The following DMD variants were observed in gnomAD, a reference collection of about 807,000 sequenced individuals.
The protein encoded by DMD is mutant dystrophin.
In DMD, 63 loss-of-function variants were observed where a neutral mutation model predicts 330.1. That is an observed-to-expected ratio of 0.19 (90% confidence interval 0.16 to 0.24). The LOEUF (loss-of-function observed/expected upper bound fraction) is 0.24, where lower values mean the gene tolerates loss of function less well. Among genes scored for constraint, DMD ranks in the 10% least tolerant of loss-of-function variants. The probability of loss-of-function intolerance (pLI) is 1.00; values close to 1 mark genes in which losing one functional copy is unlikely to be tolerated. For missense variants in DMD, 3,344 were observed against 2,684.1 expected, an observed-to-expected ratio of 1.25 and a Z score of -5.43; for synonymous variants, 1,223 against 959.8, an observed-to-expected ratio of 1.27 and a Z score of -5.07.
chrX:32,299,448 A>C (rs1233766350), intron 42 of DMD, among the ~76,000 whole-genome samples: 1 of 100,529 alleles, frequency 9.9e-6, no homozygotes, highest in Non-Finnish European at 2.1e-5. Flanking sequence ...TGAAAGGATA[A>C]TCAAAGTGAA....
chrX:32,871,990 C>T (rs996204141), intron 2 of DMD, among the ~76,000 whole-genome samples: 1 of 110,517 alleles, frequency 9.0e-6, no homozygotes, highest in Non-Finnish European at 1.9e-5. Context: ...GCACTCCAGG[C>T]ATGATTAAAT....
At chrX:31,656,988 G>A (rs1484082759) in intron 54 of DMD, among the ~76,000 whole-genome samples, 1 of 111,534 alleles carries the variant, frequency 9.0e-6, no homozygotes, top group African/African-American at 3.3e-5. Context: ...TCAAAATTTA[G>A]TTGGCCGCTT....
intron 45 of DMD, among the ~76,000 whole-genome samples, chrX:31,961,719 A>G (rs1384517049): frequency 2.0e-5 from 2 of 101,200 alleles, no homozygotes; most frequent in African/African-American, 7.8e-5. Context: ...AAGGGGAAAG[A>G]GAATTCAACC....
intron 41 of DMD, among the ~76,000 whole-genome samples, chrX:32,327,604 T>G (rs1467859451): frequency 8.9e-6 from 1 of 111,785 alleles, no homozygotes; most frequent in Non-Finnish European, 1.9e-5. Flanking sequence ...TTTTGTGAAT[T>G]TAATGACACC....
chrX:31,831,371 G>A lies in DMD; in HGVS notation c.7200+5347C>T, dbSNP rs2093026081. Among the ~76,000 whole-genome samples, 3 of 111,842 alleles carry A rather than the reference G, an allele frequency of 2.7e-5. No individual in the cohort carries two copies. The South Asian group carries it at 1.1e-3, about 42-fold the overall frequency. ...GTGTTATTTTATAAAATGTAAGACT[G>A]CAAATATGGAAATGCTACTCAATTA... On this transcript the variant is annotated intron_variant, in intron 49 of 78. Transcript: ENST00000357033.
Position 31,164,235 on chromosome X carries a change from C to T in DMD, c.10553+5208G>A, listed in dbSNP as rs149779039. 1.5e-4 allele frequency among the ~76,000 whole-genome samples: 17 copies of T among 111,673 alleles called. No homozygotes were observed. In the East Asian group the frequency reaches 3.1e-3, roughly 20 times the overall value. On this transcript the variant is annotated intron_variant, in intron 74 of 78. Transcript: ENST00000357033. ...GTTTCAACTACCACCTGTGAGCTGGCGACTCACAGTCCTAATATCTCAGGC... is the reference window on the plus strand; with the variant it reads ...GTTTCAACTACCACCTGTGAGCTGGTGACTCACAGTCCTAATATCTCAGGC...
At chrX:32,490,404 G>C (rs1344828080) in intron 20 of DMD, among the ~76,000 whole-genome samples, 1 of 110,836 alleles carries the variant, frequency 9.0e-6, no homozygotes, top group Non-Finnish European at 1.9e-5. Flanking sequence ...CTCTTTCTCA[G>C]GCCCTTTTGT....
In DMD at chrX:33,108,178, G is replaced by GTT. The variant is rs68160621; in HGVS notation, c.32-87980_32-87979dup. On this transcript the variant is annotated intron_variant, in intron 1 of 78. Coordinates refer to ENST00000357033, the MANE Select transcript of DMD (RefSeq NM_004006.3). ...TTAATCCCTATTTTAATTTTATTAG[G>GTT]TTTTTTTTTCAGTTCTACTTTACAT... 1.2e-4 allele frequency among the ~76,000 whole-genome samples: 13 copies of GTT among 106,867 alleles called. No individual in the cohort carries two copies. The South Asian group carries it at 1.7e-3, about 14-fold the overall frequency. 92.8% of individuals were successfully genotyped at this position (106,867 alleles called of 115,157 possible). A position where few individuals can be genotyped will look rare whatever the true frequency, so the allele number is the denominator to read the frequency against.
chrX:32,401,069 A>G (rs1413326220), intron 30 of DMD, among the ~76,000 whole-genome samples: 1 of 108,877 alleles, frequency 9.2e-6, no homozygotes, highest in East Asian at 2.9e-4. Flanking sequence ...TTCTCAGCAA[A>G]CTATCTCAAG....
At chrX:32,376,678 C>A (rs1396734288) in intron 34 of DMD, among the ~76,000 whole-genome samples, 3 of 110,589 alleles carry the variant, frequency 2.7e-5, no homozygotes, top group African/African-American at 9.9e-5. Flanking sequence ...TGCCCACAGC[C>A]ACGGTAAGGA....
chrX:31,180,579 A>T, intron 68 of DMD, 98 bp from the exon 69 acceptor site: 1 of 627,757 alleles, frequency 1.6e-6, no homozygotes, highest in South Asian at 2.4e-5. Flanking sequence ...AATTTGAGAA[A>T]CAGAAAGCAA....
At chrX:33,109,539 C>T (rs1247868573) in intron 1 of DMD, among the ~76,000 whole-genome samples, 1 of 109,929 alleles carries the variant, frequency 9.1e-6, no homozygotes, top group Non-Finnish European at 1.9e-5. Context: ...CTAAAGCTTC[C>T]TTGACCATTA....
intron 43 of DMD, among the ~76,000 whole-genome samples, chrX:32,232,551 C>G (rs1315377000): frequency 9.0e-6 from 1 of 111,583 alleles, no homozygotes; most frequent in Non-Finnish European, 1.9e-5. Flanking sequence ...TATAGCAGCT[C>G]TAAGTCAAAG....
rs766158045 is a variant in DMD, at chrX:33,069,646, G to A, written c.32-49446C>T. Among the ~76,000 whole-genome samples the A allele has an allele frequency of 1.5e-4, 17 of 111,644 alleles. No individual in the cohort carries two copies. The Admixed American group carries it at 1.5e-3, about 10-fold the overall frequency. On this transcript the variant is annotated intron_variant, in intron 1 of 78. Coordinates refer to ENST00000357033, the MANE Select transcript of DMD (RefSeq NM_004006.3). ...TTTGGGAAAATGAGCAATAAACGAA[G>A]TCCATTTCTTAGCAGAAAAACTCAT...
chrX:32,598,864 A>T (rs808533), intron 12 of DMD, among the ~76,000 whole-genome samples: 41,312 of 110,606 alleles, frequency 0.37, 7,176 homozygotes, highest in African/African-American at 0.68. Context: ...TTAAAATCTA[A>T]CACAAGAACC....
intron 30 of DMD, among the ~76,000 whole-genome samples, chrX:32,409,885 T>C (rs2098134612): frequency 9.0e-6 from 1 of 111,685 alleles, no homozygotes. Context: ...TGCATTTTAC[T>C]AAACCCTGCC....
chrX:33,262,492 G>A (rs2052974502), intron 1 of DMD, among the ~76,000 whole-genome samples: 1 of 110,994 alleles, frequency 9.0e-6, no homozygotes, highest in South Asian at 3.7e-4. Flanking sequence ...ACAAGTTAGG[G>A]TGTCTGGCCC....
chrX:31,484,074 T>C (rs1233132063), intron 57 of DMD, among the ~76,000 whole-genome samples: 1 of 111,258 alleles, frequency 9.0e-6, no homozygotes, highest in Non-Finnish European at 1.9e-5. Context: ...CACCATAAAC[T>C]GCATGTTGTA....
chrX:32,887,056 G>A (rs1340020599), intron 2 of DMD, among the ~76,000 whole-genome samples: 11 of 111,746 alleles, frequency 9.8e-5, no homozygotes, highest in Admixed American at 5.7e-4. Context: ...ATTAATAATT[G>A]GACCCTTACA....
Sources: gnomAD v4.1 joint callset for allele counts (sites outside exome capture counted in the v4.1 genomes callset) on GRCh38, gnomAD v4.1.1 for gene constraint, MANE v1.5 for transcripts, NCBI Gene and HGNC (gene_info 2026-07-23, HGNC 2026-07-21) for gene names.